The following MED13L variants were observed in gnomAD, a reference collection of about 807,000 sequenced individuals.
MED13L encodes mediator of RNA polymerase II transcription subunit 13-like.
Under a neutral mutation model 220.9 loss-of-function variants are expected in MED13L, and 7 were observed. That is an observed-to-expected ratio of 0.03 (90% CI 0.02 to 0.06). The LOEUF is 0.06. MED13L is among the 10% of genes least tolerant of loss of function. The probability of loss-of-function intolerance (pLI) is 1.00; values close to 1 mark genes in which losing one functional copy is unlikely to be tolerated. For synonymous variants in MED13L, 1,011 were observed against 1,015.2 expected, an observed-to-expected ratio of 1.00 and a Z score of 0.08; for missense variants, 1,965 against 2,760.5, an observed-to-expected ratio of 0.71 and a Z score of 6.46.
chr12:116,173,480 G>A (rs1202402006), intron 2 of MED13L, among the ~76,000 whole-genome samples: 2 of 152,112 alleles, frequency 1.3e-5, no homozygotes, highest in African/African-American at 4.8e-5. Flanking sequence ...TAAGATGACA[G>A]TATATAAATC....
At chr12:116,049,601 A>C (rs1240324897) in intron 4 of MED13L, among the ~76,000 whole-genome samples, 1 of 152,208 alleles carries the variant, frequency 6.6e-6, no homozygotes, top group Non-Finnish European at 1.5e-5. Context: ...TACACTTCTG[A>C]AGAAATGCTT....
chr12:115,986,533 C>T, intron 18 of MED13L, 44 bp from the exon 19 acceptor site: 2 of 1,578,464 alleles, frequency 1.3e-6, no homozygotes, highest in Non-Finnish European at 8.7e-7. Flanking sequence ...AGAGTTTTTC[C>T]CACAACCTTA....
At chr12:116,151,715 C>T (rs549766321) in intron 2 of MED13L, among the ~76,000 whole-genome samples, 1 of 152,180 alleles carries the variant, frequency 6.6e-6, no homozygotes, top group African/African-American at 2.4e-5. Context: ...GGGAACCATA[C>T]AGACTAATGA....
In MED13L at chr12:115,963,534, AAG is replaced by A. The variant is rs778053175; in HGVS notation, c.6388-17_6388-16del. On this transcript the variant is annotated splice_polypyrimidine_tract_variant and intron_variant, in intron 29 of 30. Transcript: ENST00000281928. The stretch of plus-strand genomic sequence containing the variant: ...TGCAGCGAAGCCTGGTGAAAAAACA[AAG>A]AGAGTTACCTCTCTGGTCTAGACAA... The A allele has an allele frequency of 3.7e-5, 58 of 1,583,282 alleles. No homozygotes were observed. Among genetic ancestry groups the A allele is most frequent in the Middle Eastern group, 3.3e-4 (2 of 6,034 alleles).
chr12:116,086,919 T>C (rs1871746082), intron 4 of MED13L, among the ~76,000 whole-genome samples: 1 of 152,212 alleles, frequency 6.6e-6, no homozygotes, highest in African/African-American at 2.4e-5. Context: ...GACTACTTCT[T>C]TAAAATTAGA....
chr12:116,085,589 G>A (rs140487788), intron 4 of MED13L, among the ~76,000 whole-genome samples: 18 of 152,066 alleles, frequency 1.2e-4, no homozygotes, highest in African/African-American at 4.3e-4. Context: ...CTTTTGTGCT[G>A]GGAATTATAG....
chr12:116,008,646 G>A lies in MED13L; in HGVS notation c.1767C>T (p.Leu589=). Residue 589 remains leucine, a synonymous_variant, in exon 10 of 31, where the codon CTC becomes CTT. Transcript: ENST00000281928. Reference sequence around the variant, plus strand: ...TGTCATCCAGAGTAGACAACTGCTGGAGTTCTAGTCCATTTCCATAAAGGG... The same window carrying A: ...TGTCATCCAGAGTAGACAACTGCTGAAGTTCTAGTCCATTTCCATAAAGGG... ...NPALYGNGLE[L]QQLSTLDDRT... is the part of the protein sequence containing the mutation. 1 of 1,614,074 alleles carries A rather than the reference G, an allele frequency of 6.2e-7. No individual in the cohort carries two copies. Among genetic ancestry groups the A allele is most frequent in the South Asian group, 1.1e-5 (1 of 91,080 alleles).
At chr12:116,246,958 AGGAAATTTT>A (rs1871156475) in intron 1 of MED13L, among the ~76,000 whole-genome samples, 1 of 150,528 alleles carries the variant, frequency 6.6e-6, no homozygotes, top group African/African-American at 2.5e-5. Context: ...GGAGGGAGAG[AGGAAATTTT>A]TAAAAGGGCA....
At chr12:116,013,317 T>C (rs1240130772) in intron 8 of MED13L, among the ~76,000 whole-genome samples, 3 of 152,204 alleles carry the variant, frequency 2.0e-5, no homozygotes, top group Admixed American at 2.0e-4. Context: ...TCAGGAATGA[T>C]GGTGATGCCA....
intron 2 of MED13L, among the ~76,000 whole-genome samples, chr12:116,177,168 C>A (rs533504744): frequency 5.9e-5 from 9 of 152,234 alleles, no homozygotes; most frequent in African/African-American, 1.9e-4. Context: ...ACACCGAAAT[C>A]TTGAAACAAA....
At chr12:116,073,789 G>T (rs1247667339) in intron 4 of MED13L, among the ~76,000 whole-genome samples, 2 of 152,166 alleles carry the variant, frequency 1.3e-5, no homozygotes, top group Admixed American at 1.3e-4. Context: ...TAGTAGGAGG[G>T]ATGATATTAT....
In MED13L at chr12:116,136,450, G is replaced by C. The variant is rs542273714; in HGVS notation, c.311-24938C>G. ...CCAAAAAATAAGTGTGTATGTGTGT[G>C]TGTATGAGAGAGAGGGAGAGAGAGA... is the stretch of plus-strand genomic sequence containing the variant. On this transcript the variant is annotated intron_variant, in intron 2 of 30. Transcript: ENST00000281928. Among the ~76,000 whole-genome samples, 19 of 152,294 alleles carry C rather than the reference G, an allele frequency of 1.2e-4. No individual in the cohort carries two copies. The South Asian group carries it at 3.7e-3, about 30-fold the overall frequency.
chr12:116,180,352 T>C (rs1880433840), intron 2 of MED13L, among the ~76,000 whole-genome samples: 1 of 152,208 alleles, frequency 6.6e-6, no homozygotes, highest in African/African-American at 2.4e-5. Flanking sequence ...TGACCTCCTA[T>C]GACAGGCTGC....
intron 4 of MED13L, among the ~76,000 whole-genome samples, chr12:116,036,629 T>C (rs971998896): frequency 6.6e-6 from 1 of 152,246 alleles, no homozygotes; most frequent in African/African-American, 2.4e-5. Flanking sequence ...CTAAATGCTT[T>C]CTGTGGTATG....
In MED13L at chr12:116,109,072, TTTTTTTTTTTTTTTTG is replaced by T. The variant is rs963197772; in HGVS notation, c.395+2340_395+2355del. ...CATAATTAATTTCCTTTTTTTTTTT[TTTTTTTTTTTTTTTTG>T]GAAACAGGGTCTCACTCTGTCACCC... On this transcript the variant is annotated intron_variant, in intron 3 of 30. Coordinates refer to ENST00000281928, the MANE Select transcript of MED13L (RefSeq NM_015335.5). Among the ~76,000 whole-genome samples the T allele has an allele frequency of 7.5e-4, 51 of 68,220 alleles. No individual in the cohort carries two copies. The East Asian group carries it at 0.034, about 45-fold the overall frequency. 44.8% of individuals were successfully genotyped at this position (68,220 alleles called of 152,430 possible). A position where few individuals can be genotyped will look rare whatever the true frequency, so the allele number is the denominator to read the frequency against.
chr12:116,003,193 G>T, intron 13 of MED13L, 91 bp from the exon 14 acceptor site: 2 of 1,110,808 alleles, frequency 1.8e-6, no homozygotes, highest in Non-Finnish European at 2.7e-6. Flanking sequence ...ATTGGTAGAT[G>T]CCTCTTGGTA....
chr12:116,221,651 AAC>A (rs1868448335), intron 2 of MED13L, among the ~76,000 whole-genome samples: 1 of 152,190 alleles, frequency 6.6e-6, no homozygotes, highest in Non-Finnish European at 1.5e-5. Context: ...TTATTCTATA[AAC>A]AAAAAATCAA....
At chr12:116,183,426 T>C (rs1226112680) in intron 2 of MED13L, among the ~76,000 whole-genome samples, 4 of 152,200 alleles carry the variant, frequency 2.6e-5, no homozygotes, top group Non-Finnish European at 5.9e-5. Flanking sequence ...AGTTAAGGTA[T>C]GAAAGAGTAT....
At chr12:115,973,713 A>G (rs1440587293) in intron 25 of MED13L, among the ~76,000 whole-genome samples, 1 of 152,250 alleles carries the variant, frequency 6.6e-6, no homozygotes, top group Non-Finnish European at 1.5e-5. Flanking sequence ...AAATTCTGAC[A>G]GAAATAAAAT....
Sources: allele counts gnomAD v4.1 joint callset (sites outside exome capture counted in the v4.1 genomes callset), GRCh38; gene constraint gnomAD v4.1.1; transcripts MANE v1.5; gene names NCBI Gene and HGNC (gene_info 2026-07-23, HGNC 2026-07-21).